Variants in ASCC1 observed in about 807,000 individuals in gnomAD.
The protein encoded by ASCC1 is activating signal cointegrator 1 complex subunit 1.
Under a neutral mutation model 46.6 loss-of-function variants are expected in ASCC1, and 35 were observed. The ratio of observed to expected loss-of-function variants is 0.75; its 90% CI spans 0.57 to 0.99. The LOEUF is 0.99. Among genes scored for constraint, ASCC1 ranks in the 50% least tolerant of loss-of-function variants. The pLI is 0.00. For synonymous variants in ASCC1, 143 were observed against 146.6 expected, an observed-to-expected ratio of 0.98 and a Z score of 0.18; for missense variants, 376 against 428.7, an observed-to-expected ratio of 0.88 and a Z score of 1.09.
At chr10:72,197,064 CA>C (rs1160940678) in intron 4 of ASCC1, 75 bp from the exon 5 acceptor site, 5 of 1,428,662 alleles carry the variant, frequency 3.5e-6, no homozygotes, top group Non-Finnish European at 4.9e-6. Flanking sequence ...TTGATACTGT[CA>C]CCTCTGAGGA....
At chr10:72,108,235 C>A (rs1356184621) in intron 9 of ASCC1, among the ~76,000 whole-genome samples, 2 of 151,914 alleles carry the variant, frequency 1.3e-5, no homozygotes, top group Non-Finnish European at 2.9e-5. Flanking sequence ...TGCCACCATG[C>A]CTGGCTAATT....
Position 72,153,574 on chromosome 10 carries a change from C to T in ASCC1, c.627-586G>A, listed in dbSNP as rs191761072. Among the ~76,000 whole-genome samples, 496 of 150,244 alleles carry T rather than the reference C, an allele frequency of 3.3e-3. 3 individuals are homozygous for T. Among genetic ancestry groups the T allele is most frequent in the African/African-American group, 0.011 (468 of 40,864 alleles). On this transcript the variant is annotated intron_variant, in intron 6 of 9. Coordinates refer to ENST00000672957, the MANE Select transcript of ASCC1 (RefSeq NM_001198800.3). ...CCGAGTAGCTGGGACTACAGGCGCC[C>T]GCCACCACGCCCGCCTAATTTTTTT...
intron 9 of ASCC1, among the ~76,000 whole-genome samples, chr10:72,116,429 G>C (rs896146604): frequency 1.3e-5 from 2 of 152,202 alleles, no homozygotes; most frequent in Non-Finnish European, 2.9e-5. Flanking sequence ...TCACTTAACA[G>C]AGTTCCTGTT....
intron 9 of ASCC1, among the ~76,000 whole-genome samples, chr10:72,101,164 A>G (rs187333584): frequency 9.2e-5 from 14 of 152,290 alleles, no homozygotes; most frequent in African/African-American, 3.1e-4. Flanking sequence ...AGTGCTTACC[A>G]TCTCGTTAGG....
chr10:72,155,560 C>T (rs1208366238), intron 6 of ASCC1, among the ~76,000 whole-genome samples: 1 of 152,108 alleles, frequency 6.6e-6, no homozygotes, highest in African/African-American at 2.4e-5. Context: ...GTAAATTACA[C>T]CTCAAAGGAA....
chr10:72,161,573 A>T lies in ASCC1; in HGVS notation c.591T>A (p.Cys197Ter), dbSNP rs1197843928. ...CCTCTTTACACTGCTGTAGCATCTC[A>T]CATGTCTGCTGGATCTCTTCCTCAC... is the stretch of plus-strand genomic sequence containing the variant. ...LLSEEEIQQT[C>*]EMLQQCKEEF... is the part of the protein sequence containing the mutation. The change falls in exon 6 of 10, where the codon TGT becomes TGA. Residue 197 changes from cysteine (C) to a stop codon, truncating the protein, a stop_gained. Transcript: ENST00000672957. LOFTEE classifies it high-confidence loss of function. 6.2e-7 allele frequency: 1 copy of T among 1,609,982 alleles called. No individual in the cohort carries two copies. Among genetic ancestry groups the T allele is most frequent in the East Asian group, 2.2e-5 (1 of 44,876 alleles).
intron 6 of ASCC1, 86 bp from the exon 7 acceptor site, chr10:72,153,074 C>G: frequency 1.3e-6 from 2 of 1,525,282 alleles, no homozygotes; most frequent in Non-Finnish European, 9.0e-7. Flanking sequence ...TACACATAGT[C>G]AAATATGTAT....
upstream of ASCC1, chr10:72,217,086 C>T (rs1451354482): frequency 4.4e-6 from 2 of 453,910 alleles, no homozygotes; most frequent in Admixed American, 4.7e-5. Flanking sequence ...ACTGGAAGCA[C>T]AGTGGAAACA....
chr10:72,118,500 C>A lies in ASCC1; in HGVS notation c.957+9582G>T, dbSNP rs112011533. Among the ~76,000 whole-genome samples the A allele has an allele frequency of 8.9e-4, 136 of 152,106 alleles. 2 individuals are homozygous for A. The highest frequency in any genetic ancestry group is 3.2e-3 in the African/African-American group (132 of 41,488). On this transcript the variant is annotated intron_variant, in intron 9 of 9. Transcript: ENST00000672957. ...TCAAATGAAATAATACACTTTCTGG[C>A]TGGGCATGGTGGCTCACGCCTGTAA...
chr10:72,149,159 C>T (rs926696617), intron 7 of ASCC1, among the ~76,000 whole-genome samples: 3 of 151,526 alleles, frequency 2.0e-5, no homozygotes, highest in African/African-American at 7.3e-5. Context: ...AGTGTTGTGG[C>T]CGGGCACGGT....
intron 1 of ASCC1, among the ~76,000 whole-genome samples, chr10:72,215,228 G>T (rs1343094245): frequency 6.6e-6 from 1 of 152,096 alleles, no homozygotes; most frequent in Admixed American, 6.6e-5. Flanking sequence ...ATGAAACCCC[G>T]TCTCTACTGA....
At chr10:72,192,717 C>T (rs1854732356) in intron 5 of ASCC1, among the ~76,000 whole-genome samples, 1 of 152,166 alleles carries the variant, frequency 6.6e-6, no homozygotes, top group South Asian at 2.1e-4. Flanking sequence ...TCGTCTCAAA[C>T]TCCTGGCCTC....
At chr10:72,149,290 T>C (rs1434547675) in intron 7 of ASCC1, among the ~76,000 whole-genome samples, 1 of 151,820 alleles carries the variant, frequency 6.6e-6, no homozygotes, top group Non-Finnish European at 1.5e-5. Context: ...TACAAAAAAT[T>C]AGCCAGGCGT....
intron 8 of ASCC1, 81 bp from the exon 9 acceptor site, chr10:72,128,248 G>A (rs1845126720): frequency 9.7e-6 from 12 of 1,238,194 alleles, no homozygotes; most frequent in Middle Eastern, 2.1e-4. Flanking sequence ...ACATAGGTAC[G>A]ACTAGCAAAA....
At chr10:72,118,297 G>A (rs1843732210) in intron 9 of ASCC1, among the ~76,000 whole-genome samples, 1 of 151,496 alleles carries the variant, frequency 6.6e-6, no homozygotes, top group African/African-American at 2.4e-5. Context: ...AACCCGGGAG[G>A]CAGAGCTTGC....
intron 7 of ASCC1, among the ~76,000 whole-genome samples, chr10:72,152,377 A>C (rs548777367): frequency 7.2e-5 from 11 of 151,832 alleles, no homozygotes; most frequent in African/African-American, 2.7e-4. Flanking sequence ...TTTCATCCCC[A>C]TTTTGTCCTG....
In ASCC1 at chr10:72,207,063, C is replaced by T. The variant is rs148530334; in HGVS notation, c.213-3539G>A. Among the ~76,000 whole-genome samples, 611 of 152,240 alleles carry T rather than the reference C, an allele frequency of 4.0e-3. 8 individuals carry two copies. Among genetic ancestry groups the T allele is most frequent in the African/African-American group, 0.014 (577 of 41,550 alleles). On this transcript the variant is annotated intron_variant, in intron 3 of 9. Transcript: ENST00000672957. ...TATCCTCATTAAACCTATACTGGCA[C>T]CTTTTCAGTTAAAAGTATAACTGGA...
intron 2 of ASCC1, 86 bp from the exon 3 acceptor site, chr10:72,210,917 G>T: frequency 7.6e-7 from 1 of 1,310,448 alleles, no homozygotes; most frequent in Non-Finnish European, 1.1e-6. Flanking sequence ...CGCTGTTGAG[G>T]TTTAAAAAAA....
chr10:72,157,973 C>T (rs1849181292), intron 6 of ASCC1, among the ~76,000 whole-genome samples: 1 of 152,162 alleles, frequency 6.6e-6, no homozygotes, highest in Non-Finnish European at 1.5e-5. Context: ...TTCTAAATCT[C>T]TGACTGTAAC....
Sources: gnomAD v4.1 joint callset for allele counts (sites outside exome capture counted in the v4.1 genomes callset) on GRCh38, gnomAD v4.1.1 for gene constraint, MANE v1.5 for transcripts, NCBI Gene and HGNC (gene_info 2026-07-23, HGNC 2026-07-21) for gene names.